The following HNF1B variants were observed in gnomAD, a reference collection of about 807,000 sequenced individuals.
HNF1B encodes hepatocyte nuclear factor 1-beta.
A neutral mutation model predicts 61.7 loss-of-function variants in HNF1B; 8 were observed. That is an observed-to-expected ratio of 0.13 (90% CI 0.08 to 0.23). The LOEUF (loss-of-function observed/expected upper bound fraction) is 0.23. Ranked by LOEUF, HNF1B falls within the 10% of genes least tolerant of loss-of-function variation. The pLI is 1.00. For missense variants in HNF1B, 562 were observed against 714.5 expected, an observed-to-expected ratio of 0.79 and a Z score of 2.43; for synonymous variants, 314 against 287.7, an observed-to-expected ratio of 1.09 and a Z score of -0.93.
chr17:37,733,017 C>T lies in HNF1B; in HGVS notation c.809+540G>A, dbSNP rs945770845. ...AGTAAAAAGAACTCTGTTGAGTCAG[C>T]GGGGGCAGAGTGGACTGAACAGATC... On this transcript the variant is annotated intron_variant, in intron 3 of 8. Coordinates refer to ENST00000617811, the MANE Select transcript of HNF1B (RefSeq NM_000458.4). 3.9e-5 allele frequency among the ~76,000 whole-genome samples: 6 copies of T among 151,952 alleles called. No individual in the cohort carries two copies. In the East Asian group the frequency reaches 9.7e-4, roughly 25 times the overall value.
rs1033018458 is a variant in HNF1B, at chr17:37,687,785, G to A, written c.1654-393C>T. Among the ~76,000 whole-genome samples the A allele has an allele frequency of 2.0e-5, 3 of 152,280 alleles. No homozygotes were observed. In the South Asian group the frequency reaches 6.2e-4, roughly 32 times the overall value. ...GAAGCAAGGGTCTCTTCCTAAGACCGCTAAGAGCAGAGGCCTCCTATACTA... is the reference window on the plus strand; with the variant it reads ...GAAGCAAGGGTCTCTTCCTAAGACCACTAAGAGCAGAGGCCTCCTATACTA... On this transcript the variant is annotated intron_variant, in intron 8 of 8. Coordinates refer to ENST00000617811, the MANE Select transcript of HNF1B (RefSeq NM_000458.4).
chr17:37,741,630 T>A (rs1158512586), intron 1 of HNF1B, among the ~76,000 whole-genome samples: 1 of 152,240 alleles, frequency 6.6e-6, no homozygotes, highest in Admixed American at 6.5e-5. Flanking sequence ...TTTCAACGGC[T>A]ACGAACAAGA....
intron 4 of HNF1B, among the ~76,000 whole-genome samples, chr17:37,716,385 G>A (rs1280571610): frequency 6.6e-6 from 1 of 152,044 alleles, no homozygotes; most frequent in Non-Finnish European, 1.5e-5. Context: ...TTTTGGTAGA[G>A]ACAGAGTTTC....
At chr17:37,736,110 G>A (rs1250127844) in intron 2 of HNF1B, among the ~76,000 whole-genome samples, 1 of 152,186 alleles carries the variant, frequency 6.6e-6, no homozygotes, top group Non-Finnish European at 1.5e-5. Context: ...TATGGTATTT[G>A]ACTTCACAGC....
At chr17:37,700,227 CCT>C (rs1288848275) in intron 7 of HNF1B, among the ~76,000 whole-genome samples, 1 of 152,226 alleles carries the variant, frequency 6.6e-6, no homozygotes. Context: ...TCCCCAAACT[CCT>C]GTGTCAGGGG....
At position 37,739,739 on chromosome 17, in the gene HNF1B, A is replaced by T. The variant is rs17847517; in HGVS notation, c.345-100T>A. 3.1e-5 allele frequency: 35 copies of T among 1,139,380 alleles called. No individual in the cohort carries two copies. The East Asian group carries it at 8.7e-4, about 28-fold the overall frequency. 70.6% of individuals were successfully genotyped at this position (1,139,380 alleles called of 1,614,324 possible). A position where few individuals can be genotyped will look rare whatever the true frequency, so the allele number is the denominator to read the frequency against. On this transcript the variant is annotated intron_variant, in intron 1 of 8. Coordinates refer to ENST00000617811, the MANE Select transcript of HNF1B (RefSeq NM_000458.4). ...TACCTATGGTCTATGCAAAATTCTG[A>T]ATTTTCCCCCCATCTAAGCTACAAC...
intron 5 of HNF1B, among the ~76,000 whole-genome samples, chr17:37,706,420 G>C (rs1242599460): frequency 6.6e-6 from 1 of 151,982 alleles, no homozygotes; most frequent in Non-Finnish European, 1.5e-5. Flanking sequence ...TCACTTCCCA[G>C]AGCTTTTCAG....
At position 37,701,093 on chromosome 17, in the gene HNF1B, G is replaced by A; in HGVS notation, c.1424C>T (p.Ser475Phe). 3.9e-6 allele frequency: 6 copies of A among 1,553,704 alleles called. No homozygotes were observed. Among genetic ancestry groups the A allele is most frequent in the Non-Finnish European group, 5.2e-6 (6 of 1,148,360 alleles). ...CTGGTGAGGGCTGTGCAGCTGCTGG[G>A]AGAACTGGACGGGCTGCAGGGCTGC... The part of the protein sequence containing the change: ...SLAALQPVQF[S>F]QQLHSPHQQP... Residue 475 changes from serine to phenylalanine, a missense_variant, in exon 7 of 9, where the codon TCC becomes TTC. Transcript: ENST00000617811.
chr17:37,710,209 C>T (rs1247704009), intron 5 of HNF1B, among the ~76,000 whole-genome samples: 5 of 152,218 alleles, frequency 3.3e-5, no homozygotes, highest in African/African-American at 1.2e-4. Context: ...ATGTCATTGG[C>T]AAGCCCCAAA....
At chr17:37,733,470 T>G in intron 3 of HNF1B, 87 bp downstream of exon 3, 1 of 1,438,244 alleles carries the variant, frequency 7.0e-7, no homozygotes, top group Non-Finnish European at 9.8e-7. Context: ...TCTGTATAAC[T>G]AGTGTCTCAA....
intron 2 of HNF1B, among the ~76,000 whole-genome samples, chr17:37,734,557 G>A (rs567743976): frequency 3.3e-5 from 5 of 152,254 alleles, no homozygotes; most frequent in East Asian, 3.9e-4. Context: ...CCAGCAGCTC[G>A]GCCCAGAGGT....
chr17:37,728,517 A>G (rs972309159), intron 4 of HNF1B: 1 of 151,132 alleles, frequency 6.6e-6, no homozygotes, highest in African/African-American at 2.4e-5. Context: ...TGTGTTAGCC[A>G]GGATGGCCTC....
At chr17:37,715,325 AC>A (rs1470656733) in intron 4 of HNF1B, among the ~76,000 whole-genome samples, 2 of 152,014 alleles carry the variant, frequency 1.3e-5, no homozygotes, top group Non-Finnish European at 2.9e-5. Context: ...AAGGAATGAA[AC>A]CCCAGCAGCT....
intron 2 of HNF1B, among the ~76,000 whole-genome samples, chr17:37,735,805 C>G (rs1250490238): frequency 1.5e-4 from 23 of 152,174 alleles, no homozygotes; most frequent in Non-Finnish European, 2.5e-4. Flanking sequence ...GTGACCCAGG[C>G]TGGAATGCAG....
rs1158456162 is a variant in HNF1B, at chr17:37,743,852, G to A, written c.344+689C>T. On this transcript the variant is annotated intron_variant, in intron 1 of 8. Coordinates refer to ENST00000617811, the MANE Select transcript of HNF1B (RefSeq NM_000458.4). ...AGATCCTCTGCGAACTGAGGTCTGA[G>A]ACGCGTTCGCCCCCACACCACCGCG... 5.9e-5 allele frequency among the ~76,000 whole-genome samples: 9 copies of A among 152,362 alleles called. No homozygotes were observed. In the South Asian group the frequency reaches 1.4e-3, roughly 25 times the overall value.
At chr17:37,689,781 A>G (rs66954791) in intron 8 of HNF1B, among the ~76,000 whole-genome samples, 22,190 of 152,232 alleles carry the variant, frequency 0.15, 1,952 homozygotes, top group East Asian at 0.31. Flanking sequence ...TGTGCCAGGC[A>G]CCATACCAAG....
At position 37,745,004 on chromosome 17, in the gene HNF1B, C is replaced by CA; in HGVS notation, c.-121dup. ...ACCCCTCCACCCTTCAGCCTCCAGA[C>CA]ACCTGTTACTCCCCGGGGTCCCGGA... is the stretch of plus-strand genomic sequence containing the variant. On this transcript the variant is annotated 5_prime_UTR_variant, in exon 1 of 9. Coordinates refer to ENST00000617811, the MANE Select transcript of HNF1B (RefSeq NM_000458.4). The CA allele has an allele frequency of 1.2e-6, 1 of 833,178 alleles. No individual in the cohort carries two copies. The highest frequency in any genetic ancestry group is 1.7e-5 in the South Asian group (1 of 58,324). The allele number at this position is 833,178 out of a possible 1,614,324, so 51.6% of individuals were successfully genotyped here.
chr17:37,743,617 G>A (rs1212170694), intron 1 of HNF1B, among the ~76,000 whole-genome samples: 1 of 152,224 alleles, frequency 6.6e-6, no homozygotes, highest in African/African-American at 2.4e-5. Context: ...CTGTCCTAAA[G>A]CGGAGTGGCC....
intron 4 of HNF1B, chr17:37,729,028 G>A (rs1417890195): frequency 2.0e-5 from 3 of 152,338 alleles, no homozygotes; most frequent in Admixed American, 6.5e-5. Context: ...GAGTCATAAT[G>A]AGGGTAGTAT....
Sources: allele counts gnomAD v4.1 joint callset (sites outside exome capture counted in the v4.1 genomes callset), GRCh38; gene constraint gnomAD v4.1.1; transcripts MANE v1.5; gene names NCBI Gene and HGNC (gene_info 2026-07-23, HGNC 2026-07-21).